OSBPL1A: variants seen among roughly 807,000 people sequenced by gnomAD.
OSBPL1A encodes the protein oxysterol-binding protein-related protein 1.
In OSBPL1A, 80 loss-of-function variants were observed where a neutral mutation model predicts 137.1. The ratio of observed to expected loss-of-function variants is 0.58; its 90% CI spans 0.49 to 0.70. The LOEUF (loss-of-function observed/expected upper bound fraction) is 0.70, where lower values mean the gene tolerates loss of function less well. OSBPL1A is among the 30% of genes least tolerant of loss of function. The pLI, the probability that OSBPL1A is intolerant of heterozygous loss-of-function variation, is 0.00. For synonymous variants in OSBPL1A, 365 were observed against 389.7 expected, an observed-to-expected ratio of 0.94 and a Z score of 0.75; for missense variants, 970 against 1,129.4, an observed-to-expected ratio of 0.86 and a Z score of 2.02.
At chr18:24,314,476 G>A in intron 11 of OSBPL1A, 129 bp from the exon 12 acceptor site, 1 of 538,146 alleles carries the variant, frequency 1.9e-6, no homozygotes, top group Non-Finnish European at 3.2e-6. Flanking sequence ...AGTATTGACA[G>A]ATAAAAATTG....
chr18:24,237,550 C>T (rs2088527399), intron 16 of OSBPL1A, among the ~76,000 whole-genome samples: 1 of 152,198 alleles, frequency 6.6e-6, no homozygotes, highest in African/African-American at 2.4e-5. Flanking sequence ...AGATGTCCTC[C>T]TGCCTTGGCC....
At chr18:24,307,728 C>A (rs543484763) in intron 13 of OSBPL1A, among the ~76,000 whole-genome samples, 1 of 152,176 alleles carries the variant, frequency 6.6e-6, no homozygotes, top group African/African-American at 2.4e-5. Context: ...ATTAGCTCCA[C>A]GTGGATGTAC....
chr18:24,240,448 T>C (rs1182875864), intron 15 of OSBPL1A, among the ~76,000 whole-genome samples: 2 of 152,200 alleles, frequency 1.3e-5, no homozygotes, highest in African/African-American at 4.8e-5. Context: ...TAAAATAGCA[T>C]GTACTGGATT....
intron 7 of OSBPL1A, among the ~76,000 whole-genome samples, chr18:24,323,559 T>A (rs2090911146): frequency 1.9e-5 from 1 of 53,742 alleles, no homozygotes; most frequent in Non-Finnish European, 3.4e-5. Flanking sequence ...TTTTTTTTTT[T>A]TTATTATACT....
chr18:24,209,068 C>T (rs1173110602), intron 17 of OSBPL1A, among the ~76,000 whole-genome samples: 1 of 152,032 alleles, frequency 6.6e-6, no homozygotes, highest in Non-Finnish European at 1.5e-5. Flanking sequence ...ACAAAGTGGA[C>T]TTCATTAAAA....
At chr18:24,268,867 T>G (rs1443118939) in intron 15 of OSBPL1A, among the ~76,000 whole-genome samples, 1 of 152,218 alleles carries the variant, frequency 6.6e-6, no homozygotes, top group Non-Finnish European at 1.5e-5. Flanking sequence ...TTCTCAAATT[T>G]TTATCAGACA....
At chr18:24,341,194 CAG>C (rs1273458848) in intron 5 of OSBPL1A, among the ~76,000 whole-genome samples, 10 of 152,048 alleles carry the variant, frequency 6.6e-5, no homozygotes, top group Admixed American at 1.3e-4. Context: ...TTTGTAGAGA[CAG>C]GGGTTTCGCC....
At chr18:24,177,098 G>C (rs982845366) in intron 21 of OSBPL1A, among the ~76,000 whole-genome samples, 6 of 152,294 alleles carry the variant, frequency 3.9e-5, no homozygotes, top group Admixed American at 6.5e-5. Context: ...AACCCCAGGG[G>C]TTCCTTTACT....
At chr18:24,281,967 T>C (rs980780374) in intron 14 of OSBPL1A, among the ~76,000 whole-genome samples, 5 of 152,072 alleles carry the variant, frequency 3.3e-5, no homozygotes, top group African/African-American at 1.2e-4. Flanking sequence ...ACGAACCCTA[T>C]TGCGAACTGT....
chr18:24,253,153 A>G lies in OSBPL1A; in HGVS notation c.1282-13771T>C, dbSNP rs183666487. Among the ~76,000 whole-genome samples the G allele has an allele frequency of 8.4e-3, 652 of 77,746 alleles. 10 individuals are homozygous for G. The highest frequency in any genetic ancestry group is 0.022 in the African/African-American group (610 of 27,760). The allele number at this position is 77,746 out of a possible 152,430, so 51.0% of individuals were successfully genotyped here. ...GAATGTAAATGGACTAAACTCTCCA[A>G]TGAAAAGACATGGCGGGGGGGGGCG... On this transcript the variant is annotated intron_variant, in intron 15 of 27. Transcript: ENST00000319481.
At chr18:24,371,945 T>G (rs1025057903) in intron 2 of OSBPL1A, among the ~76,000 whole-genome samples, 1 of 152,130 alleles carries the variant, frequency 6.6e-6, no homozygotes, top group African/African-American at 2.4e-5. Flanking sequence ...TTTGGAAAAT[T>G]TATTTTCCCC....
intron 18 of OSBPL1A, among the ~76,000 whole-genome samples, chr18:24,186,147 G>C (rs11083004): frequency 6.6e-6 from 1 of 152,000 alleles, no homozygotes; most frequent in South Asian, 2.1e-4. Context: ...TTCTAGTCCT[G>C]CTACAGAAAA....
At chr18:24,365,675 G>A (rs1349313468) in intron 4 of OSBPL1A, among the ~76,000 whole-genome samples, 1 of 152,096 alleles carries the variant, frequency 6.6e-6, no homozygotes, top group Non-Finnish European at 1.5e-5. Context: ...GAAAGGGGAA[G>A]GGGATGAATA....
intron 18 of OSBPL1A, among the ~76,000 whole-genome samples, chr18:24,195,135 C>A (rs2086990560): frequency 6.6e-6 from 1 of 151,880 alleles, no homozygotes; most frequent in East Asian, 1.9e-4. Flanking sequence ...TCCTTCTCTA[C>A]TAAAAATACA....
intron 14 of OSBPL1A, among the ~76,000 whole-genome samples, chr18:24,294,530 G>A (rs945753426): frequency 3.3e-5 from 5 of 151,876 alleles, no homozygotes; most frequent in Admixed American, 6.6e-5. Flanking sequence ...CACTGTGCCC[G>A]GTCCAATATG....
chr18:24,297,047 T>C (rs2632430), intron 14 of OSBPL1A, among the ~76,000 whole-genome samples: 53,025 of 152,052 alleles, frequency 0.35, 10,036 homozygotes, highest in Middle Eastern at 0.46. Context: ...TTCTTTCTCT[T>C]TCTTTTGGAA....
At chr18:24,259,172 G>T (rs1276111655) in intron 15 of OSBPL1A, among the ~76,000 whole-genome samples, 1 of 151,980 alleles carries the variant, frequency 6.6e-6, no homozygotes, top group Non-Finnish European at 1.5e-5. Context: ...GTCCCAAAGT[G>T]CTGGGATTAT....
At chr18:24,290,672 G>C (rs777642374) in intron 14 of OSBPL1A, among the ~76,000 whole-genome samples, 1 of 152,096 alleles carries the variant, frequency 6.6e-6, no homozygotes, top group Non-Finnish European at 1.5e-5. Flanking sequence ...AACAGAGCGA[G>C]GCTCTGTCTC....
chr18:24,361,701 C>T (rs1040430155), intron 4 of OSBPL1A, among the ~76,000 whole-genome samples: 2 of 152,130 alleles, frequency 1.3e-5, no homozygotes, highest in African/African-American at 4.8e-5. Flanking sequence ...ATTAATGCAA[C>T]TTAGTAGCAG....
Sources: allele counts gnomAD v4.1 joint callset (sites outside exome capture counted in the v4.1 genomes callset), GRCh38; gene constraint gnomAD v4.1.1; transcripts MANE v1.5; gene names NCBI Gene and HGNC (gene_info 2026-07-23, HGNC 2026-07-21).